ACLY: variants seen among roughly 807,000 people sequenced by gnomAD.
ACLY encodes the protein ATP-citrate synthase.
Under a neutral mutation model 133.0 loss-of-function variants are expected in ACLY, and 41 were observed. The observed-to-expected ratio is 0.31, with a 90% CI of 0.24 to 0.40. The LOEUF (loss-of-function observed/expected upper bound fraction) is 0.40, where lower values mean the gene tolerates loss of function less well. ACLY is among the 10% of genes least tolerant of loss of function. The probability of loss-of-function intolerance (pLI) is 1.00; values close to 1 mark genes in which losing one functional copy is unlikely to be tolerated. For missense variants in ACLY, 1,046 were observed against 1,453.8 expected (o/e 0.72, Z 4.56); for synonymous variants, 495 against 549.3 (o/e 0.90, Z 1.38).
In ACLY at chr17:41,872,024, G is replaced by A. The variant is rs782632574; in HGVS notation, c.2793+8C>T. On this transcript the variant is annotated splice_region_variant and intron_variant, in intron 24 of 28. Coordinates refer to ENST00000352035, the MANE Select transcript of ACLY (RefSeq NM_001096.3). ...CCACTGTTCACCTCCCATGATGACA[G>A]TACTTACGATGGTGAGCAGCCCCGA... 1.2e-6 allele frequency: 2 copies of A among 1,613,908 alleles called. No individual in the cohort carries two copies. Among genetic ancestry groups the A allele is most frequent in the Non-Finnish European group, 1.7e-6 (2 of 1,179,896 alleles).
chr17:41,893,241 G>T (rs1274857550), intron 14 of ACLY, 67 bp from the exon 15 acceptor site: 3 of 1,527,754 alleles, frequency 2.0e-6, no homozygotes, highest in African/African-American at 2.8e-5. Context: ...AGGGGCCAGG[G>T]CTGCCTGACA....
intron 12 of ACLY, among the ~76,000 whole-genome samples, chr17:41,898,356 G>T (rs782279531): frequency 6.6e-6 from 1 of 152,094 alleles, no homozygotes. Context: ...CAGGTGATCC[G>T]CCAGCCTCGG....
chr17:41,872,856 T>C (rs961108118), intron 23 of ACLY, among the ~76,000 whole-genome samples: 1 of 152,130 alleles, frequency 6.6e-6, no homozygotes, highest in African/African-American at 2.4e-5. Context: ...GAACAAAGTA[T>C]GGAGAGGTGG....
At chr17:41,912,930 C>T (rs1052141704) in intron 2 of ACLY, among the ~76,000 whole-genome samples, 48 of 152,194 alleles carry the variant, frequency 3.2e-4, no homozygotes, top group African/African-American at 1.1e-3. Flanking sequence ...AGCCTTGAGG[C>T]AGCAAGGAAC....
chr17:41,892,379 G>A lies in ACLY; in HGVS notation c.1670C>T (p.Ala557Val), dbSNP rs368294825. The change falls in exon 16 of 29, where the codon GCT (alanine) becomes GTT (valine). Residue 557 changes from alanine (A) to valine (V), a missense_variant. Ala to Val is a moderately conservative substitution (Grantham distance 64). Transcript: ENST00000352035. ...EILIPVFKNM[A>V]DAMRKHPEVD... ...CTCCGGATGCTTCCTCATGGCATCA[G>A]CCATGTTCTTGAAGACAGGGATCAG... 9.3e-6 allele frequency: 15 copies of A among 1,613,674 alleles called. No homozygotes were observed. The African/African-American group carries it at 2.0e-4, about 22-fold the overall frequency.
In ACLY at chr17:41,873,904, T is replaced by C; in HGVS notation, c.2549A>G (p.Gln850Arg). 1 of 1,610,874 alleles carries C rather than the reference T, an allele frequency of 6.2e-7. No homozygotes were observed. Among genetic ancestry groups the C allele is most frequent in the Non-Finnish European group, 8.5e-7 (1 of 1,177,654 alleles). The change falls in exon 23 of 29, where the codon CAG becomes CGG. Residue 850 changes from glutamine (Q) to arginine (R), a missense_variant. By Grantham distance (43) the Gln-to-Arg change is conservative (BLOSUM62 1). Coordinates refer to ENST00000352035, the MANE Select transcript of ACLY (RefSeq NM_001096.3). Reference sequence around the variant, plus strand: ...GGGCATGCCCGCGTAGATGAGCTCCTGTCCTCGCTCATCGCAGATGCTGGT... The same window carrying C: ...GGGCATGCCCGCGTAGATGAGCTCCCGTCCTCGCTCATCGCAGATGCTGGT... The part of the protein sequence containing the change: ...FMTSICDERG[Q>R]ELIYAGMPIT...
At chr17:41,873,992 C>A in intron 22 of ACLY, 27 bp from the exon 23 acceptor site, 1 of 1,569,684 alleles carries the variant, frequency 6.4e-7, no homozygotes, top group Non-Finnish European at 8.7e-7. Flanking sequence ...AAGAGGGAAG[C>A]AGGGCCCTGG....
chr17:41,878,159 C>A lies in ACLY; in HGVS notation c.2431G>T (p.Val811Leu), dbSNP rs1490914230. The A allele has an allele frequency of 7.5e-6, 12 of 1,596,638 alleles. No individual in the cohort carries two copies. Among genetic ancestry groups the A allele is most frequent in the African/African-American group, 1.4e-5 (1 of 73,526 alleles). The change falls in exon 22 of 29, where the codon GTA (valine) becomes TTA (leucine). Residue 811 changes from valine to leucine, a missense_variant. Coordinates refer to ENST00000352035, the MANE Select transcript of ACLY (RefSeq NM_001096.3). ...YEDLVANGVI[V>L]PAQEVPPPTV... ...GGGGGCGGCACCTCCTGGGCAGGTA[C>A]AATGACTCCATTGGCCACGAGATCT...
At chr17:41,906,440 A>C in intron 8 of ACLY, 88 bp downstream of exon 8, 1 of 1,181,742 alleles carries the variant, frequency 8.5e-7, no homozygotes, top group Non-Finnish European at 1.2e-6. Flanking sequence ...CCCACACCAA[A>C]GTGACAGGAC....
At chr17:41,925,434 CAAAAAA>C (rs34698648) in intron 1 of ACLY, among the ~76,000 whole-genome samples, 1 of 111,046 alleles carries the variant, frequency 9.0e-6, no homozygotes, top group African/African-American at 3.4e-5. Flanking sequence ...CCTTCTCTAC[CAAAAAA>C]AAAAAAAAAA....
rs782154200 is a variant in ACLY, at chr17:41,873,891, G to A, written c.2562C>T (p.Tyr854=). 11 of 1,610,864 alleles carry A rather than the reference G, an allele frequency of 6.8e-6. No individual in the cohort carries two copies. Among genetic ancestry groups the A allele is most frequent in the Middle Eastern group, 1.6e-4 (1 of 6,068 alleles). The change falls in exon 23 of 29, where the codon TAC becomes TAT. Residue 854 remains tyrosine (Y), a synonymous_variant. Transcript: ENST00000352035. ...ICDERGQELI[Y]AGMPITEVFK... is the part of the protein sequence containing the mutation. ...AGACCTCAGTGATGGGCATGCCCGC[G>A]TAGATGAGCTCCTGTCCTCGCTCAT... is the stretch of plus-strand genomic sequence containing the variant.
rs552522307 is a variant in ACLY at position 41,924,389 on chromosome 17, C to T, written c.-28+5969G>A. On this transcript the variant is annotated intron_variant, in intron 1 of 3. Transcript: ENST00000592970. ...GTCTCAATCTCCTGACCTCGTGATC[C>T]GCCCGCCTCAGCCTCCCAAAGTGCT... Among the ~76,000 whole-genome samples the T allele has an allele frequency of 2.0e-3, 310 of 151,916 alleles. 1 individual carries two copies. Among genetic ancestry groups the T allele is most frequent in the Admixed American group, 3.2e-3 (48 of 15,220 alleles).
chr17:41,913,605 C>T, intron 2 of ACLY, 110 bp downstream of exon 2: 1 of 1,192,680 alleles, frequency 8.4e-7, no homozygotes, highest in Non-Finnish European at 1.2e-6. Context: ...ACAGCTGCTG[C>T]TGGCAGCCTC....
chr17:41,886,394 G>A lies in ACLY; in HGVS notation c.1876-86C>T, dbSNP rs186169598. 1.4e-4 allele frequency: 185 copies of A among 1,329,270 alleles called. 1 individual carries two copies. The African/African-American group carries it at 2.5e-3, about 18-fold the overall frequency. 82.3% of individuals were successfully genotyped at this position (1,329,270 alleles called of 1,614,324 possible). A position where few individuals can be genotyped will look rare whatever the true frequency, so the allele number is the denominator to read the frequency against. ...CACAAAGCCCCTGCATTACTGCCCAGCCCCTTCTGGCCAGGCTGGGGAGAG... is the reference window on the plus strand; with the variant it reads ...CACAAAGCCCCTGCATTACTGCCCAACCCCTTCTGGCCAGGCTGGGGAGAG... On this transcript the variant is annotated intron_variant, in intron 17 of 28. Transcript: ENST00000352035.
chr17:41,897,678 A>G, intron 13 of ACLY, 71 bp downstream of exon 13: 1 of 1,430,332 alleles, frequency 7.0e-7, no homozygotes, highest in South Asian at 1.3e-5. Context: ...GGGGAAAGGG[A>G]AAGGGGAGAG....
intron 7 of ACLY, among the ~76,000 whole-genome samples, chr17:41,907,017 C>T (rs1251824829): frequency 2.0e-5 from 3 of 152,150 alleles, no homozygotes; most frequent in African/African-American, 7.2e-5. Flanking sequence ...CAGACGAGAC[C>T]GTCTCCTAGC....
chr17:41,893,228 T>C (rs2049266161), intron 14 of ACLY, 54 bp from the exon 15 acceptor site: 5 of 1,562,114 alleles, frequency 3.2e-6, no homozygotes, highest in Non-Finnish European at 4.3e-6. Flanking sequence ...CCAGGAGACC[T>C]GCAGGGGCCA....
In ACLY at chr17:41,897,796, G is replaced by A. The variant is rs781915275; in HGVS notation, c.1382C>T (p.Ala461Val). Reference protein sequence around the residue: ...SRTASFSESRADEVAPAKKAK... With the variant: ...SRTASFSESRVDEVAPAKKAK... Reference sequence around the variant, plus strand: ...CTTCTTTGCAGGCGCCACCTCATCGGCCCTGGACTCAGAAAAAGATGCTGT... The same window carrying A: ...CTTCTTTGCAGGCGCCACCTCATCGACCCTGGACTCAGAAAAAGATGCTGT... Residue 461 changes from alanine to valine, a missense_variant, in exon 13 of 29, where the codon GCC (alanine) becomes GTC (valine). Transcript: ENST00000352035. 6.2e-6 allele frequency: 10 copies of A among 1,613,566 alleles called. No homozygotes were observed. The East Asian group carries it at 2.0e-4, about 32-fold the overall frequency.
chr17:41,927,703 G>A (rs189797663), intron 1 of ACLY, among the ~76,000 whole-genome samples: 11 of 152,136 alleles, frequency 7.2e-5, no homozygotes, highest in South Asian at 4.1e-4. Context: ...GTGCACACCT[G>A]TAGTCCCTGC....
Sources: allele counts gnomAD v4.1 joint callset (sites outside exome capture counted in the v4.1 genomes callset), GRCh38; gene constraint gnomAD v4.1.1; transcripts MANE v1.5; gene names NCBI Gene and HGNC (gene_info 2026-07-23, HGNC 2026-07-21).